Variants in CACNA1H observed in about 807,000 individuals in gnomAD.
CACNA1H encodes the protein voltage-dependent T-type calcium channel subunit alpha-1H.
A neutral mutation model predicts 192.5 loss-of-function variants in CACNA1H; 149 were observed. The ratio of observed to expected loss-of-function variants is 0.77; its 90% CI spans 0.68 to 0.89. The LOEUF (loss-of-function observed/expected upper bound fraction) is 0.89. Ranked by LOEUF, CACNA1H falls within the 40% of genes least tolerant of loss-of-function variation. The pLI is 0.00. For synonymous variants in CACNA1H, 2,202 were observed against 1,475.2 expected, an observed-to-expected ratio of 1.49 and a Z score of -11.29; for missense variants, 4,257 against 3,423.5, an observed-to-expected ratio of 1.24 and a Z score of -6.08.
intron 2 of CACNA1H, among the ~76,000 whole-genome samples, chr16:1,178,352 A>G (rs938318929): frequency 2.2e-5 from 3 of 133,870 alleles, no homozygotes; most frequent in Admixed American, 1.5e-4. Flanking sequence ...GTGCCCCCAT[A>G]TTCATATCTC....
At chr16:1,163,744 C>G (rs1195453738) in intron 2 of CACNA1H, among the ~76,000 whole-genome samples, 4 of 152,358 alleles carry the variant, frequency 2.6e-5, no homozygotes, top group African/African-American at 9.6e-5. Context: ...TAGCTGGGAC[C>G]ACGCTTGCCC....
chr16:1,206,398 CCAGAGCATCTG>C (rs2074118773), intron 12 of CACNA1H, 109 bp downstream of exon 12: 3 of 1,018,182 alleles, frequency 2.9e-6, no homozygotes, highest in Non-Finnish European at 4.3e-6. Flanking sequence ...ACCAGCAGCC[CCAGAGCATCTG>C]CAGACACTCG....
chr16:1,185,507 C>CCCG (rs1400858778), intron 2 of CACNA1H, among the ~76,000 whole-genome samples: 1 of 138,870 alleles, frequency 7.2e-6, no homozygotes, highest in Non-Finnish European at 1.5e-5. Flanking sequence ...AGAGTCCCCC[C>CCCG]CCCCGCCGAG....
At chr16:1,192,349 C>T (rs1966698257) in intron 2 of CACNA1H, among the ~76,000 whole-genome samples, 1 of 152,058 alleles carries the variant, frequency 6.6e-6, no homozygotes, top group Admixed American at 6.6e-5. Flanking sequence ...CCACCCCTGC[C>T]AGCCCCTCTG....
At chr16:1,168,175 G>A (rs752586462) in intron 2 of CACNA1H, among the ~76,000 whole-genome samples, 14 of 151,252 alleles carry the variant, frequency 9.3e-5, no homozygotes, top group Non-Finnish European at 1.8e-4. Context: ...CCCTCCAGTT[G>A]GGGCGGTTGA....
At chr16:1,206,778 T>G in intron 12 of CACNA1H, 1 of 533,350 alleles carries the variant, frequency 1.9e-6, no homozygotes, top group South Asian at 2.5e-5. Context: ...CCTCTGGTCT[T>G]GGTTCTCTCG....
rs752153295 is a variant in CACNA1H, at chr16:1,202,191, C to T, written c.1741C>T (p.His581Tyr). The change falls in exon 9 of 35, where the codon CAC becomes TAC. Residue 581 changes from histidine (H) to tyrosine (Y), a missense_variant. Transcript: ENST00000348261. ...SVHSIYHADC[H>Y]IEGPQERARV... is the part of the protein sequence containing the mutation. ...GCACAGCATCTACCATGCCGACTGCCACATAGAGGGGCCGCAGGAGAGGGC... is the reference window on the plus strand; with the variant it reads ...GCACAGCATCTACCATGCCGACTGCTACATAGAGGGGCCGCAGGAGAGGGC... 12 of 1,553,056 alleles carry T rather than the reference C, an allele frequency of 7.7e-6. No individual in the cohort carries two copies. The highest frequency in any genetic ancestry group is 1.9e-5 in the Admixed American group (1 of 51,368).
chr16:1,218,134 G>T, intron 32 of CACNA1H, 76 bp from the exon 33 acceptor site: 1 of 1,535,846 alleles, frequency 6.5e-7, no homozygotes, highest in South Asian at 1.2e-5. Flanking sequence ...GCAGGGCAGG[G>T]GGAAGGGGAC....
Position 1,201,901 on chromosome 16 carries a change from G to A in CACNA1H, c.1451G>A (p.Ser484Asn), listed in dbSNP as rs1174940466. 2 of 1,550,494 alleles carry A rather than the reference G, an allele frequency of 1.3e-6. No homozygotes were observed. The highest frequency in any genetic ancestry group is 1.7e-6 in the Non-Finnish European group (2 of 1,147,182). The stretch of plus-strand genomic sequence containing the variant: ...TTGCGCCTCTACGCCCGCTGGCAGA[G>A]CCGCTGGCGCAAGAAGGTGGACCCC... The part of the protein sequence containing the change: ...RSLRLYARWQ[S>N]RWRKKVDPSA... The change falls in exon 9 of 35, where the codon AGC becomes AAC. Residue 484 changes from serine to asparagine, a missense_variant. Transcript: ENST00000348261.
In CACNA1H at chr16:1,219,009, G is replaced by C; in HGVS notation, c.5927G>C (p.Cys1976Ser). 9 of 1,550,298 alleles carry C rather than the reference G, an allele frequency of 5.8e-6. No individual in the cohort carries two copies. Among genetic ancestry groups the C allele is most frequent in the Non-Finnish European group, 7.0e-6 (8 of 1,146,886 alleles). ...ASVHSPPAESCASLQIPLAVS... is the reference protein window; with the variant it reads ...ASVHSPPAESSASLQIPLAVS... ...GTGCACTCTCCGCCCGCAGAGTCCT[G>C]TGCCTCCCTCCAGATCCCATTGGCT... The change falls in exon 34 of 35, where the codon TGT becomes TCT. Residue 1976 changes from cysteine to serine, a missense_variant. Physicochemically the swap from Cys to Ser is moderately radical, Grantham distance 112 (BLOSUM62 -1). Coordinates refer to ENST00000348261, the MANE Select transcript of CACNA1H (RefSeq NM_021098.3).
chr16:1,155,679 G>A (rs191108910), intron 2 of CACNA1H, among the ~76,000 whole-genome samples: 1 of 152,284 alleles, frequency 6.6e-6, no homozygotes, highest in East Asian at 1.9e-4. Context: ...ACAGCCCCGG[G>A]CCTGGCTGTC....
intron 34 of CACNA1H, 138 bp downstream of exon 34, chr16:1,219,268 T>G (rs1970289931): frequency 7.4e-6 from 6 of 813,558 alleles, no homozygotes; most frequent in Non-Finnish European, 1.1e-5. Context: ...CTCCGAAGGT[T>G]TCTGCCTGCT....
Position 1,210,126 on chromosome 16 carries a change from C to A in CACNA1H, c.3836C>A (p.Pro1279Gln). 3.2e-6 allele frequency: 5 copies of A among 1,557,122 alleles called. No homozygotes were observed. Among genetic ancestry groups the A allele is most frequent in the Non-Finnish European group, 3.5e-6 (4 of 1,151,062 alleles). Residue 1279 changes from proline to glutamine, a missense_variant, in exon 18 of 35, where the codon CCA (proline) becomes CAA (glutamine). Physicochemically the swap from Pro to Gln is moderately conservative, Grantham distance 76 (BLOSUM62 -1). Transcript: ENST00000348261. ...GCCTGGGCCCTCTACCTCTTCTCCC[C>A]ACAGAACCGGTGAGGCGGCCGGGTC... ...REAWALYLFS[P>Q]QNRFRVSCQK...
At position 1,206,997 on chromosome 16, in the gene CACNA1H, T is replaced by G; in HGVS notation, c.2790-4T>G. The G allele has an allele frequency of 1.4e-6, 2 of 1,396,894 alleles. No homozygotes were observed. Among genetic ancestry groups the G allele is most frequent in the Non-Finnish European group, 1.9e-6 (2 of 1,048,098 alleles). 86.5% of individuals were successfully genotyped at this position (1,396,894 alleles called of 1,614,324 possible). ...CCTCAACACGCCCCTGCCCCCACCC[T>G]CAGCATCCTGGGCATGCACCTTTTC... On this transcript the variant is annotated splice_region_variant and splice_polypyrimidine_tract_variant and intron_variant, in intron 12 of 34. Coordinates refer to ENST00000348261, the MANE Select transcript of CACNA1H (RefSeq NM_021098.3).
intron 3 of CACNA1H, 146 bp downstream of exon 3, chr16:1,195,229 G>T: frequency 1.1e-6 from 1 of 896,456 alleles, no homozygotes; most frequent in Non-Finnish European, 1.7e-6. Context: ...TTCACGGCGG[G>T]GCGCGAGGTG....
chr16:1,164,876 G>C (rs1031539491), intron 2 of CACNA1H, among the ~76,000 whole-genome samples: 1 of 152,216 alleles, frequency 6.6e-6, no homozygotes, highest in South Asian at 2.1e-4. Context: ...CCGTGGCCCC[G>C]TTTGGGTTTT....
In CACNA1H at chr16:1,221,000, G is replaced by A. The variant is rs1190372797; in HGVS notation, c.*6G>A. On this transcript the variant is annotated 3_prime_UTR_variant, in exon 35 of 35. Coordinates refer to ENST00000348261, the MANE Select transcript of CACNA1H (RefSeq NM_021098.3). ...GTGCAGATGACCCCGTGTAGCTCGG[G>A]GCTTGGTGCCGCCCACGGCTTTGGC... The A allele has an allele frequency of 6.4e-7, 1 of 1,559,526 alleles. No individual in the cohort carries two copies. The highest frequency in any genetic ancestry group is 8.6e-7 in the Non-Finnish European group (1 of 1,156,246).
At chr16:1,202,835 C>T (rs1968144558) in intron 9 of CACNA1H, among the ~76,000 whole-genome samples, 1 of 152,156 alleles carries the variant, frequency 6.6e-6, no homozygotes, top group Admixed American at 6.5e-5. Flanking sequence ...CCTTCGTGGC[C>T]ATTGAGGCTG....
intron 2 of CACNA1H, 115 bp downstream of exon 2, chr16:1,154,151 C>A (rs1408865718): frequency 8.7e-6 from 7 of 807,492 alleles, no homozygotes; most frequent in Admixed American, 4.5e-5. Flanking sequence ...TGGGACCTGG[C>A]GTGGGCCGGG....
Sources: allele counts gnomAD v4.1 joint callset (sites outside exome capture counted in the v4.1 genomes callset), GRCh38; gene constraint gnomAD v4.1.1; transcripts MANE v1.5; gene names NCBI Gene and HGNC (gene_info 2026-07-23, HGNC 2026-07-21).